LRGUK: variants seen among roughly 807,000 people sequenced by gnomAD.
LRGUK encodes the protein leucine-rich repeat and guanylate kinase domain-containing protein.
A neutral mutation model predicts 76.0 loss-of-function variants in LRGUK; 65 were observed. That is an observed-to-expected ratio of 0.85 (90% CI 0.70 to 1.05). The LOEUF (loss-of-function observed/expected upper bound fraction) is 1.05, where lower values mean the gene tolerates loss of function less well. LRGUK is among the 50% of genes least tolerant of loss of function. LRGUK has a pLI of 0.00. For missense variants in LRGUK, 758 were observed against 732.8 expected (o/e 1.03, Z -0.40); for synonymous variants, 268 against 265.6 (o/e 1.01, Z -0.09).
intron 5 of LRGUK, among the ~76,000 whole-genome samples, chr7:134,157,824 C>G (rs1798549450): frequency 6.6e-6 from 1 of 152,076 alleles, no homozygotes; most frequent in Non-Finnish European, 1.5e-5. Context: ...CACCCAGCCA[C>G]TATGCCTTTT....
exon 16 of LRGUK, chr7:134,209,719 C>T: frequency 2.5e-6 from 1 of 399,878 alleles, no homozygotes; most frequent in Non-Finnish European, 4.4e-6. Context: ...TTCCTCCCAT[C>T]AGCCCTCCGC....
At chr7:134,239,022 A>T (rs548394112) in intron 16 of LRGUK, among the ~76,000 whole-genome samples, 1 of 152,138 alleles carries the variant, frequency 6.6e-6, no homozygotes, top group Non-Finnish European at 1.5e-5. Context: ...CTGTCTTAGC[A>T]AGGGGCCCCA....
intron 8 of LRGUK, among the ~76,000 whole-genome samples, chr7:134,175,768 C>T (rs1799453377): frequency 6.6e-6 from 1 of 152,092 alleles, no homozygotes; most frequent in Non-Finnish European, 1.5e-5. Context: ...ATGTCTTTCC[C>T]CTCAAAGAGG....
chr7:134,137,085 C>A, exon 2 of LRGUK: 2 of 1,613,354 alleles, frequency 1.2e-6, no homozygotes, highest in Non-Finnish European at 1.7e-6. Flanking sequence ...ACTTGGGGCG[C>A]TCAGGCTCTG....
At chr7:134,135,434 C>T (rs1797483917) in intron 1 of LRGUK, among the ~76,000 whole-genome samples, 1 of 152,136 alleles carries the variant, frequency 6.6e-6, no homozygotes, top group Admixed American at 6.5e-5. Context: ...TCAGAAAGAG[C>T]CTTTCCCTGT....
the LRGUK span, among the ~76,000 whole-genome samples, chr7:134,274,338 T>C: frequency 6.6e-6 from 1 of 152,318 alleles, no homozygotes; most frequent in South Asian, 2.1e-4. Flanking sequence ...TGAATTACAA[T>C]AAAGAAATAA....
intron 1 of LRGUK, among the ~76,000 whole-genome samples, chr7:134,131,680 T>C (rs1032625371): frequency 6.6e-6 from 1 of 152,114 alleles, no homozygotes; most frequent in Non-Finnish European, 1.5e-5. Flanking sequence ...GATTGGAGGA[T>C]TGTAATACTG....
exon 16 of LRGUK, chr7:134,209,189 T>A: frequency 2.5e-6 from 1 of 398,334 alleles, no homozygotes; most frequent in Non-Finnish European, 4.4e-6. Context: ...GGACAAGGAG[T>A]CAGGGGAGGC....
In LRGUK at chr7:134,205,672, T is replaced by G. The variant is rs572406254; in HGVS notation, c.1844-3035T>G. ...TGTCTGCGCAATTAGGAAACTGGAC[T>G]GGAAATATGAAGCCTTGGTTTTCTA... On this transcript the variant is annotated intron_variant, in intron 15 of 15. Coordinates refer to ENST00000645682, the Ensembl canonical transcript of LRGUK. Among the ~76,000 whole-genome samples, 5 of 152,368 alleles carry G rather than the reference T, an allele frequency of 3.3e-5. No homozygotes were observed. The South Asian group carries it at 1.0e-3, about 32-fold the overall frequency.
chr7:134,249,108 G>T (rs375439174), intron 18 of LRGUK, 32 bp downstream of exon 18: 1 of 1,525,058 alleles, frequency 6.6e-7, no homozygotes, highest in Non-Finnish European at 8.8e-7. Flanking sequence ...GATGGAATTG[G>T]CTATTTTCTG....
At chr7:134,135,137 G>C (rs1797470765) in intron 1 of LRGUK, among the ~76,000 whole-genome samples, 1 of 152,180 alleles carries the variant, frequency 6.6e-6, no homozygotes, top group Non-Finnish European at 1.5e-5. Flanking sequence ...AAAAAGCAGT[G>C]AGATTTGAGA....
chr7:134,163,380 A>AT lies in LRGUK; in HGVS notation c.796-10dup. The AT allele has an allele frequency of 1.3e-6, 2 of 1,594,228 alleles. No homozygotes were observed. The highest frequency in any genetic ancestry group is 1.1e-5 in the South Asian group (1 of 88,578). The stretch of plus-strand genomic sequence containing the variant: ...GAGAGGTCTTTGAGACATTAAATAT[A>AT]TTTTTTTCTGTTTTAGAGCAATAAC... On this transcript the variant is annotated splice_polypyrimidine_tract_variant and intron_variant, in intron 6 of 15. Transcript: ENST00000645682.
At position 134,221,556 on chromosome 7, in the gene LRGUK, G is replaced by A. The variant is rs141029360; in HGVS notation, c.1844-223G>A. On this transcript the variant is annotated intron_variant, in intron 15 of 19. Transcript: ENST00000285928. ...TATAAGCCTGAATTGATTAAGTATTGGGTATATTCGGAGGATATATCTATT... is the reference window on the plus strand; with the variant it reads ...TATAAGCCTGAATTGATTAAGTATTAGGTATATTCGGAGGATATATCTATT... Among the ~76,000 whole-genome samples the A allele has an allele frequency of 2.7e-3, 414 of 152,046 alleles. 1 individual carries two copies. Among genetic ancestry groups the A allele is most frequent in the African/African-American group, 9.3e-3 (387 of 41,502 alleles).
chr7:134,271,563 T>C, the LRGUK span, among the ~76,000 whole-genome samples: 2 of 151,996 alleles, frequency 1.3e-5, no homozygotes, highest in African/African-American at 4.8e-5. Flanking sequence ...CTCTCATAGA[T>C]TGTTTCCATA....
intron 5 of LRGUK, among the ~76,000 whole-genome samples, chr7:134,150,207 A>C (rs902915244): frequency 6.6e-6 from 1 of 151,988 alleles, no homozygotes; most frequent in Non-Finnish European, 1.5e-5. Flanking sequence ...CCCGGGAGGC[A>C]GAGCTTTCAG....
At chr7:134,215,437 C>T (rs1207206324) in intron 15 of LRGUK, among the ~76,000 whole-genome samples, 7 of 152,108 alleles carry the variant, frequency 4.6e-5, no homozygotes, top group Admixed American at 4.6e-4. Flanking sequence ...AGACTTCCCC[C>T]CAGCTCTGGT....
chr7:134,236,177 C>T (rs774160201), intron 16 of LRGUK, among the ~76,000 whole-genome samples: 56 of 152,248 alleles, frequency 3.7e-4, no homozygotes, highest in Admixed American at 8.5e-4. Flanking sequence ...TGTCACCACT[C>T]CCCAAGTTGG....
chr7:134,210,274 G>A (rs896255201), downstream of LRGUK: 4 of 398,750 alleles, frequency 1.0e-5, no homozygotes, highest in African/African-American at 6.2e-5. Context: ...GTGTGTAACT[G>A]TTACAAATTA....
intron 2 of LRGUK, among the ~76,000 whole-genome samples, chr7:134,138,393 A>T (rs746041453): frequency 3.3e-5 from 5 of 152,056 alleles, no homozygotes; most frequent in Non-Finnish European, 7.4e-5. Flanking sequence ...AGAGTTGCCT[A>T]GTTTGGTGAT....
Sources: allele counts gnomAD v4.1 joint callset (sites outside exome capture counted in the v4.1 genomes callset), GRCh38; gene constraint gnomAD v4.1.1; transcripts MANE v1.5; gene names NCBI Gene and HGNC (gene_info 2026-07-23, HGNC 2026-07-21).